Variants in NEGR1 observed in about 807,000 individuals in gnomAD.
NEGR1 encodes neuronal growth regulator 1.
Under a neutral mutation model 40.9 loss-of-function variants are expected in NEGR1, and 10 were observed. The ratio of observed to expected loss-of-function variants is 0.24; its 90% confidence interval spans 0.15 to 0.42. NEGR1 has a LOEUF of 0.42. NEGR1 is among the 10% of genes least tolerant of loss of function. The probability of loss-of-function intolerance (pLI) is 1.00; values close to 1 mark genes in which losing one functional copy is unlikely to be tolerated. For missense variants in NEGR1, 352 were observed against 438.9 expected, an observed-to-expected ratio of 0.80 and a Z score of 1.77; for synonymous variants, 185 against 166.8, an observed-to-expected ratio of 1.11 and a Z score of -0.84.
intron 1 of NEGR1, among the ~76,000 whole-genome samples, chr1:72,075,071 TG>T (rs1195079448): frequency 6.6e-6 from 1 of 152,156 alleles, no homozygotes; most frequent in Non-Finnish European, 1.5e-5. Flanking sequence ...ACTTGAACCA[TG>T]GAATAAAATA....
chr1:71,968,022 G>A (rs1447451022), intron 1 of NEGR1, among the ~76,000 whole-genome samples: 3 of 150,642 alleles, frequency 2.0e-5, no homozygotes, highest in Non-Finnish European at 4.4e-5. Context: ...CTACAACTAC[G>A]GAAGACCAGC....
intron 6 of NEGR1, among the ~76,000 whole-genome samples, chr1:71,500,501 T>A (rs1646992076): frequency 6.6e-6 from 1 of 152,098 alleles, no homozygotes; most frequent in Non-Finnish European, 1.5e-5. Context: ...AGGTCCGATC[T>A]TCTTTGCCTG....
At chr1:71,627,560 T>G (rs1463618636) in intron 4 of NEGR1, among the ~76,000 whole-genome samples, 1 of 151,982 alleles carries the variant, frequency 6.6e-6, no homozygotes, top group African/African-American at 2.4e-5. Context: ...CATGTAACAA[T>G]TATTATCTAT....
intron 3 of NEGR1, among the ~76,000 whole-genome samples, chr1:71,739,205 AAAAAAAAAAAAAC>A (rs1321328995): frequency 1.2e-4 from 18 of 150,506 alleles, no homozygotes; most frequent in African/African-American, 2.7e-4. Context: ...GGCAGAAAAA[AAAAAAAAAAAAAC>A]AAAAAAAAAA....
intron 6 of NEGR1, among the ~76,000 whole-genome samples, chr1:71,507,464 T>C (rs1048698985): frequency 3.3e-5 from 5 of 152,166 alleles, no homozygotes; most frequent in Non-Finnish European, 7.3e-5. Flanking sequence ...ATGGGTGTAT[T>C]GGGATTTATA....
chr1:71,910,483 G>A (rs1661395429), intron 2 of NEGR1, among the ~76,000 whole-genome samples: 1 of 152,098 alleles, frequency 6.6e-6, no homozygotes, highest in Non-Finnish European at 1.5e-5. Flanking sequence ...GTTCACTAAA[G>A]GTAATAATGC....
chr1:72,072,209 C>T (rs1431669780), intron 1 of NEGR1, among the ~76,000 whole-genome samples: 1 of 151,978 alleles, frequency 6.6e-6, no homozygotes. Flanking sequence ...TTATATTTTG[C>T]TTTTTGTACA....
chr1:71,999,632 A>AT (rs1646536679), intron 1 of NEGR1, among the ~76,000 whole-genome samples: 1 of 48,380 alleles, frequency 2.1e-5, no homozygotes, highest in Non-Finnish European at 4.0e-5. Flanking sequence ...GAGCAAAGCA[A>AT]ATATATATAT....
intron 2 of NEGR1, among the ~76,000 whole-genome samples, chr1:71,883,772 G>A (rs1423417441): frequency 7.7e-6 from 1 of 130,020 alleles, no homozygotes; most frequent in African/African-American, 3.0e-5. Context: ...TCCCCATCCT[G>A]TATCCAAGTG....
chr1:71,972,953 G>A (rs369652811), intron 1 of NEGR1, among the ~76,000 whole-genome samples: 2 of 152,094 alleles, frequency 1.3e-5, no homozygotes, highest in African/African-American at 4.8e-5. Context: ...CATCTTAAGT[G>A]TTGTTACAAG....
intron 6 of NEGR1, among the ~76,000 whole-genome samples, chr1:71,577,868 T>C (rs192913932): frequency 2.5e-4 from 38 of 152,294 alleles, no homozygotes; most frequent in African/African-American, 9.1e-4. Context: ...TATTTGAAGA[T>C]AATGATTCTG....
At chr1:71,775,693 A>T (rs953332571) in intron 3 of NEGR1, among the ~76,000 whole-genome samples, 1 of 151,788 alleles carries the variant, frequency 6.6e-6, no homozygotes, top group Non-Finnish European at 1.5e-5. Context: ...AAGAGTAAGT[A>T]TAAAAATATG....
chr1:71,748,329 TC>T (rs1393459852), intron 3 of NEGR1, among the ~76,000 whole-genome samples: 3 of 152,124 alleles, frequency 2.0e-5, no homozygotes, highest in African/African-American at 7.2e-5. Context: ...ACAATGTAGT[TC>T]CCCATGCCTA....
At chr1:72,232,499 C>T (rs1177180560) in intron 1 of NEGR1, among the ~76,000 whole-genome samples, 1 of 152,106 alleles carries the variant, frequency 6.6e-6, no homozygotes, top group African/African-American at 2.4e-5. Context: ...CCTCAGGTAG[C>T]AGAATGAGCC....
chr1:72,013,333 G>C (rs901671795), intron 1 of NEGR1, among the ~76,000 whole-genome samples: 1 of 152,038 alleles, frequency 6.6e-6, no homozygotes, highest in Non-Finnish European at 1.5e-5. Context: ...GTTCTTCCTT[G>C]CATGTCTGCT....
intron 6 of NEGR1, among the ~76,000 whole-genome samples, chr1:71,546,304 T>C (rs1408950701): frequency 6.6e-6 from 1 of 151,696 alleles, no homozygotes; most frequent in East Asian, 2.0e-4. Flanking sequence ...TATTAATTAA[T>C]GCATTTATCT....
chr1:71,946,154 T>A (rs1646016732), intron 1 of NEGR1, among the ~76,000 whole-genome samples: 1 of 152,110 alleles, frequency 6.6e-6, no homozygotes, highest in Admixed American at 6.5e-5. Context: ...GTTCAAGCGA[T>A]CCACCCGCCT....
chr1:72,127,052 C>T (rs904855425), intron 1 of NEGR1, among the ~76,000 whole-genome samples: 2 of 152,146 alleles, frequency 1.3e-5, no homozygotes, highest in Middle Eastern at 3.2e-3. Context: ...AGGACAAAAG[C>T]TGTTCCAAGA....
chr1:72,113,939 A>T (rs1227744046), intron 1 of NEGR1, among the ~76,000 whole-genome samples: 1 of 151,786 alleles, frequency 6.6e-6, no homozygotes, highest in African/African-American at 2.4e-5. Flanking sequence ...CATAGAGCCT[A>T]TTGAAACCAC....
Sources: gnomAD v4.1 joint callset for allele counts (sites outside exome capture counted in the v4.1 genomes callset) on GRCh38, gnomAD v4.1.1 for gene constraint, MANE v1.5 for transcripts, NCBI Gene and HGNC (gene_info 2026-07-23, HGNC 2026-07-21) for gene names.